The following TTC23 variants were observed in gnomAD, a reference collection of about 807,000 sequenced individuals.
TTC23 encodes tetratricopeptide repeat protein 23.
Under a neutral mutation model 55.1 loss-of-function variants are expected in TTC23, and 58 were observed. That is an observed-to-expected ratio of 1.05 (90% CI 0.85 to 1.31). The LOEUF is 1.31. Among genes scored for constraint, TTC23 ranks in the 50% most tolerant of loss-of-function variants. The pLI is 0.00. For synonymous variants in TTC23, 203 were observed against 199.9 expected (o/e 1.02, Z -0.13); for missense variants, 516 against 534.4 (o/e 0.97, Z 0.34).
At chr15:99,246,155 T>C (rs2080224880) in intron 1 of TTC23, among the ~76,000 whole-genome samples, 1 of 123,296 alleles carries the variant, frequency 8.1e-6, no homozygotes, top group Non-Finnish European at 1.9e-5. Flanking sequence ...GCATAAGTGA[T>C]AAAAGAAAAA....
At chr15:99,215,138 G>A (rs1261942917) in intron 8 of TTC23, among the ~76,000 whole-genome samples, 3 of 150,834 alleles carry the variant, frequency 2.0e-5, no homozygotes, top group African/African-American at 4.9e-5. Context: ...TTACAGGCAT[G>A]AGCCACCGTG....
At chr15:99,174,175 C>T (rs1381793104) in intron 10 of TTC23, among the ~76,000 whole-genome samples, 1 of 152,100 alleles carries the variant, frequency 6.6e-6, no homozygotes, top group Non-Finnish European at 1.5e-5. Context: ...AATGCCGATG[C>T]CCCCTTCATC....
chr15:99,204,632 G>GTTTT (rs56890685), intron 8 of TTC23, among the ~76,000 whole-genome samples: 2,607 of 60,570 alleles, frequency 0.043, 291 homozygotes, highest in Non-Finnish European at 0.055. Context: ...TAGATTTAAG[G>GTTTT]TTTTTTTTTT....
chr15:99,148,360 CAA>C (rs57733522), intron 12 of TTC23, among the ~76,000 whole-genome samples: 13 of 30,418 alleles, frequency 4.3e-4, no homozygotes, highest in South Asian at 2.8e-3. Context: ...GACTCTGTAC[CAA>C]AAAAAAAAAA....
rs565453157 is a variant in TTC23, at chr15:99,139,400, CTG to C, written c.1144-3_1144-2del. The C allele has an allele frequency of 1.2e-6, 2 of 1,614,136 alleles. No homozygotes were observed. Among genetic ancestry groups the C allele is most frequent in the South Asian group, 2.2e-5 (2 of 91,070 alleles). ...ATAAGAGGGTCTGGATCTGGAGACA[CTG>C]TAGAACACCAAGCAGCTATCATGAG... On this transcript the variant is annotated splice_acceptor_variant and splice_polypyrimidine_tract_variant and intron_variant, in intron 12 of 13. Transcript: ENST00000394132. LOFTEE classifies it high-confidence loss of function.
chr15:99,139,782 T>TAAAC, intron 12 of TTC23: 1 of 1,277,562 alleles, frequency 7.8e-7, no homozygotes, highest in Non-Finnish European at 1.0e-6. Flanking sequence ...GTTTTTTTTG[T>TAAAC]AAACACATAC....
intron 13 of TTC23, among the ~76,000 whole-genome samples, 190 bp from the exon 14 acceptor site, chr15:99,138,317 TA>T (rs2067780300): frequency 6.6e-6 from 1 of 151,970 alleles, no homozygotes; most frequent in Admixed American, 6.6e-5. Flanking sequence ...TTTATTTTTT[TA>T]ATTTTTTTTT....
At chr15:99,178,857 C>T (rs940964540) in intron 9 of TTC23, among the ~76,000 whole-genome samples, 3 of 152,088 alleles carry the variant, frequency 2.0e-5, no homozygotes, top group African/African-American at 4.8e-5. Context: ...ACGCTGGCTC[C>T]CAAGACAAGG....
chr15:99,177,602 C>T (rs766806222), intron 9 of TTC23, among the ~76,000 whole-genome samples: 4 of 152,182 alleles, frequency 2.6e-5, no homozygotes, highest in Admixed American at 6.5e-5. Flanking sequence ...ACTATCTCTA[C>T]GATCTGTTAT....
chr15:99,228,690 T>G lies in TTC23; in HGVS notation c.23A>C (p.His8Pro), dbSNP rs1172830601. ...AACTTCATCTAGGTGGTTGGATATG[T>G]GGGTTTCCTGTGATTCTTGCATATT... MQESQETHISNHLDEVVA... is the reference protein window; with the variant it reads MQESQETPISNHLDEVVA... Residue 8 changes from histidine to proline, a missense_variant, in exon 5 of 14, where the codon CAC becomes CCC. Physicochemically the swap from His to Pro is moderately conservative, Grantham distance 77. Transcript: ENST00000394132. The G allele has an allele frequency of 2.5e-6, 4 of 1,605,232 alleles. No homozygotes were observed. In the Admixed American group the frequency reaches 6.9e-5, roughly 27 times the overall value.
At chr15:99,148,243 C>G (rs570288845) in intron 12 of TTC23, among the ~76,000 whole-genome samples, 23 of 150,722 alleles carry the variant, frequency 1.5e-4, no homozygotes, top group Admixed American at 1.0e-3. Flanking sequence ...TGCCTGTAGT[C>G]CAAACTACTC....
intron 10 of TTC23, 26 bp downstream of exon 10, chr15:99,175,024 C>T (rs749219535): frequency 3.7e-6 from 6 of 1,609,230 alleles, no homozygotes; most frequent in Non-Finnish European, 4.2e-6. Context: ...GCCTGTGAGA[C>T]AGGAAGAGAA....
intron 9 of TTC23, among the ~76,000 whole-genome samples, chr15:99,185,709 A>G (rs1365084164): frequency 2.0e-5 from 3 of 152,142 alleles, no homozygotes; most frequent in Non-Finnish European, 4.4e-5. Context: ...TTTTATTGCC[A>G]AAGTCTACCA....
chr15:99,177,660 T>C (rs560746841), intron 9 of TTC23, among the ~76,000 whole-genome samples: 69 of 152,378 alleles, frequency 4.5e-4, no homozygotes, highest in African/African-American at 1.7e-3. Context: ...TTAACTCATA[T>C]GATGCAAAGA....
rs571528664 is a variant in TTC23, at chr15:99,156,217, T to A, written c.1074A>T (p.Thr358=). Residue 358 remains threonine (T), a synonymous_variant, in exon 12 of 14, where the codon ACA becomes ACT. Transcript: ENST00000394132. The stretch of plus-strand genomic sequence containing the variant: ...GGTCTGCTCCTCCCAGGAGCCGGTA[T>A]GTCTCTGCCACCTCGGGACTGAAAT... ...FGDFSPEVAE[T]YRLLGGADLA... 1.2e-6 allele frequency: 2 copies of A among 1,614,258 alleles called. No individual in the cohort carries two copies. Among genetic ancestry groups the A allele is most frequent in the African/African-American group, 1.3e-5 (1 of 75,076 alleles).
At chr15:99,200,191 C>T in intron 8 of TTC23, 95 bp from the exon 9 acceptor site, 1 of 1,172,284 alleles carries the variant, frequency 8.5e-7, no homozygotes, top group Non-Finnish European at 1.1e-6. Flanking sequence ...CTCTTTGATC[C>T]CTGGTGTTCA....
At chr15:99,237,273 T>A (rs2079400590) in intron 3 of TTC23, among the ~76,000 whole-genome samples, 1 of 152,160 alleles carries the variant, frequency 6.6e-6, no homozygotes. Context: ...TGAGCCACCA[T>A]GCCCAGCCAA....
chr15:99,183,407 C>T (rs1192543480), intron 9 of TTC23, among the ~76,000 whole-genome samples: 10 of 151,236 alleles, frequency 6.6e-5, no homozygotes, highest in Non-Finnish European at 1.0e-4. Flanking sequence ...CTGCAACCTC[C>T]GCCTCCTGGG....
Position 99,156,245 on chromosome 15 carries a change from C to A in TTC23, c.1046G>T (p.Gly349Val), listed in dbSNP as rs201912078. ...CTCTGCCACCTCGGGACTGAAATCG[C>A]CAAATGCTTCCACTTTGGCTTCCAG... The part of the protein sequence containing the change: ...ESLEAKVEAF[G>V]DFSPEVAETY... The change falls in exon 12 of 14, where the codon GGC becomes GTC. Residue 349 changes from glycine (G) to valine (V), a missense_variant. Physicochemically the swap from Gly to Val is moderately radical, Grantham distance 109. Transcript: ENST00000394132. 45 of 1,614,252 alleles carry A rather than the reference C, an allele frequency of 2.8e-5. No homozygotes were observed.
Sources: gnomAD v4.1 joint callset for allele counts (sites outside exome capture counted in the v4.1 genomes callset) on GRCh38, gnomAD v4.1.1 for gene constraint, MANE v1.5 for transcripts, NCBI Gene and HGNC (gene_info 2026-07-23, HGNC 2026-07-21) for gene names.